TOM1L2: variants seen among roughly 807,000 people sequenced by gnomAD.
The protein encoded by TOM1L2 is TOM1-like protein 2.
A neutral mutation model predicts 67.9 loss-of-function variants in TOM1L2; 31 were observed. The ratio of observed to expected loss-of-function variants is 0.46; its 90% CI spans 0.34 to 0.62. The LOEUF is 0.62. Ranked by LOEUF, TOM1L2 falls within the 20% of genes least tolerant of loss-of-function variation. TOM1L2 has a pLI of 0.01. For synonymous variants in TOM1L2, 256 were observed against 254.0 expected, an observed-to-expected ratio of 1.01 and a Z score of -0.07; for missense variants, 606 against 663.5, an observed-to-expected ratio of 0.91 and a Z score of 0.95.
At chr17:17,903,321 G>C (rs1180154945) in intron 2 of TOM1L2, among the ~76,000 whole-genome samples, 1 of 152,172 alleles carries the variant, frequency 6.6e-6, no homozygotes, top group African/African-American at 2.4e-5. Context: ...CTAGGTGCTA[G>C]GGACAAAATG....
At chr17:17,866,489 G>A (rs1167687496) in intron 9 of TOM1L2, 70 bp from the exon 10 acceptor site, 2 of 1,493,188 alleles carry the variant, frequency 1.3e-6, no homozygotes, top group Admixed American at 2.3e-5. Flanking sequence ...AAGCTGGCAA[G>A]GCAACTATGC....
At chr17:17,919,754 T>A (rs1331089970) in intron 1 of TOM1L2, among the ~76,000 whole-genome samples, 1 of 152,248 alleles carries the variant, frequency 6.6e-6, no homozygotes, top group African/African-American at 2.4e-5. Flanking sequence ...TGGCTCTCAT[T>A]CTTTTCACCA....
chr17:17,855,680 C>T (rs2036217488), intron 12 of TOM1L2, among the ~76,000 whole-genome samples: 1 of 152,234 alleles, frequency 6.6e-6, no homozygotes, highest in South Asian at 2.1e-4. Context: ...TGCTCCTCTG[C>T]AGCTTCCCAC....
intron 1 of TOM1L2, among the ~76,000 whole-genome samples, chr17:17,964,664 G>A (rs1362532713): frequency 6.6e-6 from 1 of 152,144 alleles, no homozygotes; most frequent in Non-Finnish European, 1.5e-5. Flanking sequence ...AGGCTGAAGC[G>A]GGAGGATCAC....
At position 17,905,011 on chromosome 17, in the gene TOM1L2, T is replaced by C. The variant is rs921955089; in HGVS notation, c.137+2436A>G. Among the ~76,000 whole-genome samples, 4 of 151,806 alleles carry C rather than the reference T, an allele frequency of 2.6e-5. 1 individual carries two copies. The South Asian group carries it at 6.2e-4, about 24-fold the overall frequency. Reference sequence around the variant, plus strand: ...GCTGCTATACCTCCACCCCTGGGGGTCAGTAAACATGGCCAGATGACTGGA... The same window carrying C: ...GCTGCTATACCTCCACCCCTGGGGGCCAGTAAACATGGCCAGATGACTGGA... On this transcript the variant is annotated intron_variant, in intron 2 of 14. Transcript: ENST00000379504.
chr17:17,861,820 G>A (rs2143711747), intron 11 of TOM1L2: 1 of 407,494 alleles, frequency 2.5e-6, no homozygotes, highest in South Asian at 3.5e-5. Flanking sequence ...TCCCTCTCTT[G>A]AGTAACAATA....
chr17:17,887,337 G>C (rs1392115191), intron 4 of TOM1L2, among the ~76,000 whole-genome samples: 1 of 152,196 alleles, frequency 6.6e-6, no homozygotes, highest in Admixed American at 6.5e-5. Context: ...TGCCAACAGA[G>C]GAAAAAATGG....
At chr17:17,906,388 C>T (rs985202964) in intron 2 of TOM1L2, among the ~76,000 whole-genome samples, 1 of 152,054 alleles carries the variant, frequency 6.6e-6, no homozygotes, top group Non-Finnish European at 1.5e-5. Context: ...CTTGGCCTCC[C>T]AAGGTGCTAG....
chr17:17,916,370 G>A (rs2039631298), intron 1 of TOM1L2, among the ~76,000 whole-genome samples: 1 of 152,152 alleles, frequency 6.6e-6, no homozygotes. Context: ...ACCGCGCCCG[G>A]CCTATTTTAA....
intron 1 of TOM1L2, among the ~76,000 whole-genome samples, chr17:17,916,282 C>G (rs2039626201): frequency 6.6e-6 from 1 of 152,040 alleles, no homozygotes; most frequent in African/African-American, 2.4e-5. Context: ...ACTGTGTTAG[C>G]CAGGATGGTC....
In TOM1L2 at chr17:17,949,672, G is replaced by A. The variant is rs75295960; in HGVS notation, c.52+22590C>T. 3.0e-3 allele frequency among the ~76,000 whole-genome samples: 463 copies of A among 152,242 alleles called. 4 individuals carry two copies. Among genetic ancestry groups the A allele is most frequent in the African/African-American group, 0.01 (434 of 41,542 alleles). On this transcript the variant is annotated intron_variant, in intron 1 of 14. Transcript: ENST00000379504. ...GAAGCAGATGAGACAGCCATCCTGG[G>A]GAAGGAAGGACAGAAGCAACGGCCA...
chr17:17,942,214 C>T (rs1478121555), intron 1 of TOM1L2, among the ~76,000 whole-genome samples: 1 of 152,158 alleles, frequency 6.6e-6, no homozygotes, highest in Non-Finnish European at 1.5e-5. Flanking sequence ...AAAGTAAGGA[C>T]CAGACGACCC....
chr17:17,954,637 G>A (rs2041351304), intron 1 of TOM1L2, among the ~76,000 whole-genome samples: 1 of 152,172 alleles, frequency 6.6e-6, no homozygotes, highest in African/African-American at 2.4e-5. Context: ...TTCTAAAGGA[G>A]ATGGGGAGTT....
chr17:17,850,946 C>A lies in TOM1L2; in HGVS notation c.1285G>T (p.Val429Phe). ...NRKQSSEGIP[V>F]AQPSVMDDIE... ...TCGTCCATGACAGATGGCTGCGCAA[C>A]GGGGATCTATGGAGGCGGCAAGCAG... The change falls in exon 13 of 15, where the codon GTT becomes TTT. Residue 429 changes from valine (V) to phenylalanine (F), a missense_variant. Physicochemically the swap from Val to Phe is conservative, Grantham distance 50 (BLOSUM62 -1). Coordinates refer to ENST00000379504, the MANE Select transcript of TOM1L2 (RefSeq NM_001082968.2). 1 of 1,613,882 alleles carries A rather than the reference C, an allele frequency of 6.2e-7. No homozygotes were observed. The highest frequency in any genetic ancestry group is 1.3e-5 in the African/African-American group (1 of 75,066).
At chr17:17,945,995 A>T (rs985462335) in intron 1 of TOM1L2, among the ~76,000 whole-genome samples, 2 of 152,000 alleles carry the variant, frequency 1.3e-5, no homozygotes, top group African/African-American at 4.8e-5. Context: ...CAGCCTCATG[A>T]GTAGCTGGGA....
intron 1 of TOM1L2, among the ~76,000 whole-genome samples, chr17:17,924,823 A>C (rs2040019308): frequency 6.6e-6 from 1 of 152,222 alleles, no homozygotes; most frequent in Non-Finnish European, 1.5e-5. Flanking sequence ...TGATGATTAA[A>C]TATAGTATAT....
chr17:17,945,284 ACACACACT>A (rs1489860414), intron 1 of TOM1L2, among the ~76,000 whole-genome samples: 81 of 151,342 alleles, frequency 5.4e-4, no homozygotes, highest in African/African-American at 1.9e-3. Flanking sequence ...ACACACACAC[ACACACACT>A]CTCTCTCTCT....
chr17:17,850,836 C>T, intron 13 of TOM1L2, 57 bp downstream of exon 13: 1 of 1,592,966 alleles, frequency 6.3e-7, no homozygotes, highest in Non-Finnish European at 8.6e-7. Context: ...GGCCTGTCCT[C>T]AGAAGAGCCT....
chr17:17,914,446 G>A (rs1182368727), intron 1 of TOM1L2, among the ~76,000 whole-genome samples: 1 of 152,162 alleles, frequency 6.6e-6, no homozygotes, highest in Non-Finnish European at 1.5e-5. Flanking sequence ...TTAGGCCCAG[G>A]TCTGCTCCTT....
Sources: gnomAD v4.1 joint callset for allele counts (sites outside exome capture counted in the v4.1 genomes callset) on GRCh38, gnomAD v4.1.1 for gene constraint, MANE v1.5 for transcripts, NCBI Gene and HGNC (gene_info 2026-07-23, HGNC 2026-07-21) for gene names.